Variants in WNK3 observed in about 807,000 individuals in gnomAD.
WNK3 encodes WNK lysine deficient protein kinase 3, also known as serine/threonine-protein kinase WNK3.
Under a neutral mutation model 116.7 loss-of-function variants are expected in WNK3, and 18 were observed. The observed-to-expected ratio is 0.15, with a 90% CI of 0.11 to 0.23. WNK3 has a LOEUF of 0.23. WNK3 is among the 10% of genes least tolerant of loss of function. The pLI, the probability that WNK3 is intolerant of heterozygous loss-of-function variation, is 1.00. For missense variants in WNK3, 993 were observed against 1,323.8 expected (o/e 0.75, Z 3.88); for synonymous variants, 404 against 469.4 (o/e 0.86, Z 1.80).
At chrX:54,264,514 T>A (rs1283605056) in intron 10 of WNK3, among the ~76,000 whole-genome samples, 1 of 110,044 alleles carries the variant, frequency 9.1e-6, no homozygotes, top group Non-Finnish European at 1.9e-5. Context: ...AAAAGCACGG[T>A]TCCTGGGATA....
At chrX:54,254,473 C>A (rs926992865) in intron 12 of WNK3, among the ~76,000 whole-genome samples, 1 of 112,182 alleles carries the variant, frequency 8.9e-6, no homozygotes, top group Non-Finnish European at 1.9e-5. Context: ...CTGGACCAAT[C>A]TTTATGGACA....
chrX:54,302,743 A>C (rs868925260), intron 5 of WNK3, among the ~76,000 whole-genome samples: 11 of 44,026 alleles, frequency 2.5e-4, no homozygotes, highest in African/African-American at 8.0e-4. Context: ...ATATATATAT[A>C]TATATATATA....
At chrX:54,232,247 T>C (rs1259866296) in intron 21 of WNK3, among the ~76,000 whole-genome samples, 1 of 109,481 alleles carries the variant, frequency 9.1e-6, no homozygotes, top group African/African-American at 3.3e-5. Context: ...GTTCAAGCAA[T>C]TCTCCCATCT....
chrX:54,325,713 A>G (rs1693293781), intron 2 of WNK3, among the ~76,000 whole-genome samples: 1 of 105,685 alleles, frequency 9.5e-6, no homozygotes, highest in South Asian at 4.3e-4. Flanking sequence ...AAAAGGAAAT[A>G]GTTCCATTAT....
At chrX:54,327,264 T>G (rs1385436041) in intron 2 of WNK3, among the ~76,000 whole-genome samples, 1 of 111,465 alleles carries the variant, frequency 9.0e-6, no homozygotes, top group Non-Finnish European at 1.9e-5. Flanking sequence ...ATTACACAAT[T>G]TGCCTTTGCT....
chrX:54,301,599 T>C (rs1201181025), intron 6 of WNK3, among the ~76,000 whole-genome samples, 172 bp downstream of exon 6: 1 of 111,325 alleles, frequency 9.0e-6, no homozygotes, highest in Non-Finnish European at 1.9e-5. Context: ...GCACATGATA[T>C]CCAAGTCTAA....
At chrX:54,193,721 A>AT (rs1325033037) in exon 24 of WNK3, 1 of 111,511 alleles carries the variant, frequency 9.0e-6, no homozygotes, top group African/African-American at 3.3e-5. Flanking sequence ...ATTTGGTTCC[A>AT]TAAAAATTTC....
exon 17 of WNK3, chrX:54,249,378 T>C: frequency 8.3e-7 from 1 of 1,212,101 alleles, no homozygotes; most frequent in Non-Finnish European, 1.1e-6. Flanking sequence ...GTCCCTCACA[T>C]TCAGCTGGAA....
intron 22 of WNK3, among the ~76,000 whole-genome samples, chrX:54,222,940 A>AT (rs869180374): frequency 0.064 from 5,465 of 85,853 alleles, 180 homozygotes; most frequent in African/African-American, 0.12. Context: ...ATATATATAT[A>AT]AAAAAAGACA....
chrX:54,272,173 C>T (rs1245958714), intron 10 of WNK3, among the ~76,000 whole-genome samples: 7 of 112,104 alleles, frequency 6.2e-5, no homozygotes, highest in African/African-American at 1.6e-4. Flanking sequence ...ATAACTTTCT[C>T]GATTTTTACA....
At position 54,249,282 on chromosome X, in the gene WNK3, G is replaced by A. The variant is rs782286947; in HGVS notation, c.3066C>T (p.Gly1022=). 9.9e-6 allele frequency: 12 copies of A among 1,210,310 alleles called. No homozygotes were observed. The highest frequency in any genetic ancestry group is 1.3e-5 in the Non-Finnish European group (12 of 895,339). ...AGTTACCAGAAGTCTGAGTTGATTC[G>A]CCAGGATGGGACATAAGTGCATCAG... is the stretch of plus-strand genomic sequence containing the variant. Residue 1022 remains glycine, a synonymous_variant, in exon 17 of 24, where the codon GGC becomes GGT. Transcript: ENST00000354646.
At chrX:54,299,449 G>GT (rs11383477) in intron 6 of WNK3, among the ~76,000 whole-genome samples, 19,316 of 83,524 alleles carry the variant, frequency 0.23, 5,673 homozygotes, top group African/African-American at 0.77. Context: ...GTGTTTTGGT[G>GT]TTTTTTTTTT....
chrX:54,247,596 T>A (rs1557152949), intron 17 of WNK3, among the ~76,000 whole-genome samples: 1 of 110,401 alleles, frequency 9.1e-6, no homozygotes, highest in African/African-American at 3.3e-5. Context: ...CTGGAAAGAT[T>A]TGTTAACAGC....
intron 1 of WNK3, among the ~76,000 whole-genome samples, chrX:54,347,483 C>T (rs1268821284): frequency 9.2e-6 from 1 of 109,163 alleles, no homozygotes; most frequent in Non-Finnish European, 1.9e-5. Context: ...GAGACTCCAT[C>T]TCAAAAAATA....
At chrX:54,299,256 T>C (rs1451582029) in intron 6 of WNK3, among the ~76,000 whole-genome samples, 1 of 111,345 alleles carries the variant, frequency 9.0e-6, no homozygotes, top group Non-Finnish European at 1.9e-5. Flanking sequence ...AAAAAGTATA[T>C]ACACAGCATG....
chrX:54,279,503 A>G (rs782337328), intron 10 of WNK3, among the ~76,000 whole-genome samples: 86 of 111,379 alleles, frequency 7.7e-4, no homozygotes, highest in African/African-American at 2.6e-3. Flanking sequence ...GGTCGAGGCT[A>G]CAGTGAGCTG....
intron 1 of WNK3, among the ~76,000 whole-genome samples, chrX:54,345,240 T>TCAACAACAA (rs78968161): frequency 1.1e-5 from 1 of 93,210 alleles, no homozygotes; most frequent in African/African-American, 3.8e-5. Context: ...AGACTCTGTC[T>TCAACAACAA]CAACAACAAC....
chrX:54,242,975 T>A (rs952312593), intron 17 of WNK3, among the ~76,000 whole-genome samples: 7 of 109,746 alleles, frequency 6.4e-5, no homozygotes, highest in Admixed American at 5.8e-4. Flanking sequence ...ATACAAAGAT[T>A]TTTTTTATTT....
In WNK3 at chrX:54,333,246, C is replaced by A; in HGVS notation, c.428G>T (p.Ser143Ile). Residue 143 changes from serine (S) to isoleucine (I), a missense_variant, in exon 2 of 24, where the codon AGT becomes ATT. Around this residue, in one of 4 missense-constraint regions of WNK3, gnomAD observed 92 missense variants for 98.7 expected, o/e 0.93. Coordinates refer to ENST00000354646, the Ensembl canonical transcript of WNK3. The stretch of plus-strand genomic sequence containing the variant: ...TATGTCAAATTTCAGGAATCTGCCA[C>A]TAGGAGAAGTAGCTACAGCCTTCAT... 8.3e-7 allele frequency: 1 copy of A among 1,210,508 alleles called. No homozygotes were observed. Among genetic ancestry groups the A allele is most frequent in the Non-Finnish European group, 1.1e-6 (1 of 894,219 alleles).
Sources: allele counts gnomAD v4.1 joint callset (sites outside exome capture counted in the v4.1 genomes callset), GRCh38; gene constraint gnomAD v4.1.1; regional missense constraint gnomAD v4.1.1; transcripts MANE v1.5; gene names NCBI Gene and HGNC (gene_info 2026-07-23, HGNC 2026-07-21).